CUBN: variants seen among roughly 807,000 people sequenced by gnomAD.
CUBN encodes cubilin.
In CUBN, 282 loss-of-function variants were observed where a neutral mutation model predicts 405.3. That is an observed-to-expected ratio of 0.70 (90% CI 0.63 to 0.77). The LOEUF (loss-of-function observed/expected upper bound fraction) is 0.77, where lower values mean the gene tolerates loss of function less well. Among genes scored for constraint, CUBN ranks in the 30% least tolerant of loss-of-function variants. CUBN has a pLI of 0.00. For missense variants in CUBN, 4,514 were observed against 4,475.2 expected, an observed-to-expected ratio of 1.01 and a Z score of -0.25; for synonymous variants, 1,684 against 1,617.0, an observed-to-expected ratio of 1.04 and a Z score of -0.99.
intron 28 of CUBN, among the ~76,000 whole-genome samples, chr10:16,994,841 A>G (rs547384855): frequency 3.9e-5 from 6 of 152,184 alleles, no homozygotes; most frequent in African/African-American, 9.6e-5. Context: ...TGTAATCCCA[A>G]CACTTTAGGA....
intron 28 of CUBN, among the ~76,000 whole-genome samples, chr10:16,993,313 A>G (rs1416990316): frequency 6.6e-6 from 1 of 152,222 alleles, no homozygotes; most frequent in Non-Finnish European, 1.5e-5. Flanking sequence ...TCATCAGCCA[A>G]TCTGATTCAA....
rs773858310 is a variant in CUBN at position 16,919,954 on chromosome 10, G to A, written c.6821+9C>T. 2.5e-6 allele frequency: 4 copies of A among 1,612,112 alleles called. No homozygotes were observed. The highest frequency in any genetic ancestry group is 3.4e-6 in the Non-Finnish European group (4 of 1,179,718). On this transcript the variant is annotated intron_variant, in intron 44 of 66. Transcript: ENST00000377833. ...GGGTAGGAAAAAAATGAAAATGGAA[G>A]TGACATACTTGGGTGTTACTTCAAT... is the stretch of plus-strand genomic sequence containing the variant.
Position 17,085,480 on chromosome 10 carries a change from A to T in CUBN, c.2110+117T>A, listed in dbSNP as rs146834046. On this transcript the variant is annotated intron_variant, in intron 16 of 66. Coordinates refer to ENST00000377833, the MANE Select transcript of CUBN (RefSeq NM_001081.4). ...CTATGAGAGAAATATTTATAAAGAAATGTTCTTGGTCTAAGACAGTCAGTC... is the reference window on the plus strand; with the variant it reads ...CTATGAGAGAAATATTTATAAAGAATTGTTCTTGGTCTAAGACAGTCAGTC... 410 of 1,044,782 alleles carry T rather than the reference A, an allele frequency of 3.9e-4. 3 individuals are homozygous for T. The East Asian group carries it at 7.3e-3, about 19-fold the overall frequency. The allele number at this position is 1,044,782 out of a possible 1,614,324, so 64.7% of individuals were successfully genotyped here. A position where few individuals can be genotyped will look rare whatever the true frequency, so the allele number is the denominator to read the frequency against.
Position 16,937,895 on chromosome 10 carries a change from T to A in CUBN, c.5734-111A>T, listed in dbSNP as rs753983577. ...TTACAATGTTATCATAACAAAAAAATGACAAATGAGTAAACATTTAATTTT... is the reference window on the plus strand; with the variant it reads ...TTACAATGTTATCATAACAAAAAAAAGACAAATGAGTAAACATTTAATTTT... On this transcript the variant is annotated intron_variant, in intron 38 of 66. Coordinates refer to ENST00000377833, the MANE Select transcript of CUBN (RefSeq NM_001081.4). 5.3e-6 allele frequency: 5 copies of A among 951,904 alleles called. No individual in the cohort carries two copies. The Admixed American group carries it at 1.0e-4, about 19-fold the overall frequency. The allele number at this position is 951,904 out of a possible 1,614,324, so 59.0% of individuals were successfully genotyped here. A position where few individuals can be genotyped will look rare whatever the true frequency, so the allele number is the denominator to read the frequency against.
chr10:17,105,457 G>A lies in CUBN; in HGVS notation c.1230C>T (p.Ile410=), dbSNP rs144627803. 187 of 1,527,752 alleles carry A rather than the reference G, an allele frequency of 1.2e-4. No individual in the cohort carries two copies. Among genetic ancestry groups the A allele is most frequent in the Middle Eastern group, 3.4e-4 (2 of 5,946 alleles). The allele number at this position is 1,527,752 out of a possible 1,614,324, so 94.6% of individuals were successfully genotyped here. The change falls in exon 11 of 67, where the codon ATC becomes ATT. Residue 410 remains isoleucine, a splice_region_variant and synonymous_variant. Coordinates refer to ENST00000377833, the MANE Select transcript of CUBN (RefSeq NM_001081.4). ...TCCACAGGAAAAACAAAGGACTCACGATGCATTGTCCATTTAGACAGGGGT... is the reference window on the plus strand; with the variant it reads ...TCCACAGGAAAAACAAAGGACTCACAATGCATTGTCCATTTAGACAGGGGT... ...LSHPCLNGQC[I]DTVSGYFCKC...
At chr10:16,844,270 C>CAA (rs1325881875) in intron 60 of CUBN, among the ~76,000 whole-genome samples, 1,563 of 143,414 alleles carry the variant, frequency 0.011, 35 homozygotes, top group African/African-American at 0.04. Context: ...ACTCTGTCCC[C>CAA]AAAAAAAAAA....
rs370020597 is a variant in CUBN, at chr10:16,884,203, C to T, written c.8905+4214G>A. The stretch of plus-strand genomic sequence containing the variant: ...TTCACCGTGTTAGCCAGGATGTTCT[C>T]GACCCCCTGACCTCATGATCCGCCC... On this transcript the variant is annotated intron_variant, in intron 56 of 66. Transcript: ENST00000377833. 7.9e-5 allele frequency among the ~76,000 whole-genome samples: 12 copies of T among 152,214 alleles called. 1 individual carries two copies. The highest frequency in any genetic ancestry group is 3.4e-3 in the Middle Eastern group (1 of 294).
In CUBN at chr10:16,950,738, G is replaced by T. The variant is rs140231852; in HGVS notation, c.4970-627C>A. 2.6e-3 allele frequency among the ~76,000 whole-genome samples: 397 copies of T among 152,330 alleles called. 1 individual carries two copies. The highest frequency in any genetic ancestry group is 9.2e-3 in the African/African-American group (382 of 41,558). ...AAACACTGGCAGTGGTAAATAAGAG[G>T]ACTCCTGGGTAGGTTCATTCCAGGC... On this transcript the variant is annotated intron_variant, in intron 33 of 66. Transcript: ENST00000377833.
Position 16,999,920 on chromosome 10 carries a change from C to T in CUBN, c.4169-9405G>A, listed in dbSNP as rs568079103. On this transcript the variant is annotated intron_variant, in intron 28 of 66. Coordinates refer to ENST00000377833, the MANE Select transcript of CUBN (RefSeq NM_001081.4). The stretch of plus-strand genomic sequence containing the variant: ...TCCCTCTGCAGGGAGAGGACTCCAC[C>T]CGGAGAAATGGACACAGGTGGGCAG... Among the ~76,000 whole-genome samples the T allele has an allele frequency of 4.2e-4, 64 of 152,268 alleles. No individual in the cohort carries two copies. The Middle Eastern group carries it at 0.024, about 57-fold the overall frequency.
In CUBN at chr10:16,916,038, A is replaced by C. The variant is rs890173356; in HGVS notation, c.7001-8T>G. The C allele has an allele frequency of 6.2e-7, 1 of 1,606,062 alleles. No homozygotes were observed. The highest frequency in any genetic ancestry group is 1.3e-5 in the African/African-American group (1 of 74,852). On this transcript the variant is annotated splice_polypyrimidine_tract_variant and splice_region_variant and intron_variant, in intron 45 of 66. Coordinates refer to ENST00000377833, the MANE Select transcript of CUBN (RefSeq NM_001081.4). ...CTCTTCCCCCACACTGAGCTGCAAAAAATAAAAATAAATAAATAAATAAGA... is the reference window on the plus strand; with the variant it reads ...CTCTTCCCCCACACTGAGCTGCAAACAATAAAAATAAATAAATAAATAAGA...
intron 28 of CUBN, among the ~76,000 whole-genome samples, chr10:17,015,965 T>C (rs1834316646): frequency 6.6e-6 from 1 of 152,176 alleles, no homozygotes; most frequent in East Asian, 1.9e-4. Context: ...TTGGGTCTGT[T>C]CCTCTTGATC....
chr10:16,984,002 C>G, intron 30 of CUBN, 103 bp downstream of exon 30: 1 of 1,299,732 alleles, frequency 7.7e-7, no homozygotes, highest in Non-Finnish European at 1.1e-6. Flanking sequence ...TGGGATGTCA[C>G]TAAGTTATAA....
intron 31 of CUBN, among the ~76,000 whole-genome samples, chr10:16,972,530 C>T (rs1184082773): frequency 6.6e-6 from 1 of 152,042 alleles, no homozygotes; most frequent in East Asian, 1.9e-4. Context: ...CTCGACCTCC[C>T]ATGCTCAAGC....
intron 36 of CUBN, among the ~76,000 whole-genome samples, chr10:16,940,684 C>T (rs1218640788): frequency 6.6e-6 from 1 of 152,094 alleles, no homozygotes; most frequent in African/African-American, 2.4e-5. Context: ...AAGCATGCCA[C>T]CAAGGCACAT....
Position 16,915,084 on chromosome 10 carries a change from G to C in CUBN, c.7299C>G (p.Asp2433Glu), listed in dbSNP as rs201002903. Residue 2433 changes from aspartate to glutamate, a missense_variant, in exon 47 of 67, where the codon GAC (aspartate) becomes GAG (glutamate). Physicochemically the swap from Asp to Glu is conservative, Grantham distance 45 (BLOSUM62 2). This residue lies in a region of CUBN where 1,613 missense variants were observed against 1,542.8 expected (regional missense o/e 1.05). Coordinates refer to ENST00000377833, the MANE Select transcript of CUBN (RefSeq NM_001081.4). ...TGAATCCTGAGGCAGTCACAGAGCC[G>C]TCTGTGACAAACCTGACCACAGCAG... The part of the protein sequence containing the change: ...SNTAVVRFVT[D>E]GSVTASGFRL... 6.2e-7 allele frequency: 1 copy of C among 1,613,974 alleles called. No homozygotes were observed. Among genetic ancestry groups the C allele is most frequent in the African/African-American group, 1.3e-5 (1 of 75,024 alleles).
chr10:17,005,856 G>A (rs773899713), intron 28 of CUBN, among the ~76,000 whole-genome samples: 12 of 152,112 alleles, frequency 7.9e-5, no homozygotes, highest in South Asian at 2.1e-4. Flanking sequence ...GACTGTCCTC[G>A]GGGATAGGGC....
chr10:16,941,313 A>G (rs1331534832), intron 36 of CUBN, among the ~76,000 whole-genome samples: 3 of 152,154 alleles, frequency 2.0e-5, no homozygotes, highest in Admixed American at 2.0e-4. Flanking sequence ...GAGAGAGAGG[A>G]AAAAAAGAAC....
rs756155709 is a variant in CUBN at position 17,123,608 on chromosome 10, T to C, written c.469A>G (p.Ile157Val). The stretch of plus-strand genomic sequence containing the variant: ...CTCACCTTCCACTGTGGGGGACAGA[T>C]ACAAAAAAAGGAATCATGCAGATTG... ...CLNLHDSFFCICPPQWKGPLC... is the reference protein window; with the variant it reads ...CLNLHDSFFCVCPPQWKGPLC... Residue 157 changes from isoleucine (I) to valine (V), a missense_variant, in exon 5 of 67, where the codon ATC becomes GTC. Ile to Val is a conservative substitution (Grantham distance 29). This residue lies in a region of CUBN where 1,448 missense variants were observed against 1,388.0 expected (regional missense o/e 1.04). Coordinates refer to ENST00000377833, the MANE Select transcript of CUBN (RefSeq NM_001081.4). 3.7e-6 allele frequency: 6 copies of C among 1,613,534 alleles called. No individual in the cohort carries two copies. The African/African-American group carries it at 4.0e-5, about 11-fold the overall frequency.
chr10:16,898,251 A>T (rs1232792909), intron 54 of CUBN, among the ~76,000 whole-genome samples: 1 of 152,116 alleles, frequency 6.6e-6, no homozygotes, highest in Non-Finnish European at 1.5e-5. Context: ...ATGTTATTAC[A>T]TCGTATTATC....
Sources: gnomAD v4.1 joint callset for allele counts (sites outside exome capture counted in the v4.1 genomes callset) on GRCh38, gnomAD v4.1.1 for gene constraint, gnomAD v4.1.1 regional missense constraint, MANE v1.5 for transcripts, NCBI Gene and HGNC (gene_info 2026-07-23, HGNC 2026-07-21) for gene names.